Variants in THAP5 observed in about 807,000 individuals in gnomAD.
THAP5 encodes the protein THAP domain-containing protein 5.
A neutral mutation model predicts 34.0 loss-of-function variants in THAP5; 26 were observed. The observed-to-expected ratio is 0.77, with a 90% CI of 0.56 to 1.06. The LOEUF is 1.06. Among genes scored for constraint, THAP5 ranks in the 50% least tolerant of loss-of-function variants. The pLI is 0.00. For synonymous variants in THAP5, 125 were observed against 153.0 expected (o/e 0.82, Z 1.35); for missense variants, 394 against 452.8 (o/e 0.87, Z 1.18).
At chr7:108,544,768 C>T in the THAP5 span, among the ~76,000 whole-genome samples, 1 of 152,034 alleles carries the variant, frequency 6.6e-6, no homozygotes, top group South Asian at 2.1e-4. Flanking sequence ...AGCAATTCTC[C>T]TGCCTCAGCC....
the THAP5 span, among the ~76,000 whole-genome samples, chr7:108,546,850 T>G: frequency 6.6e-6 from 1 of 152,214 alleles, no homozygotes; most frequent in Non-Finnish European, 1.5e-5. Context: ...CACTAAATTA[T>G]ATTACCAATG....
chr7:108,566,021 A>C lies in THAP5; in HGVS notation c.82T>G (p.Phe28Val), dbSNP rs1220153353. The C allele has an allele frequency of 1.3e-6, 2 of 1,501,666 alleles. No homozygotes were observed. The highest frequency in any genetic ancestry group is 1.8e-6 in the Non-Finnish European group (2 of 1,130,634). 93.0% of individuals were successfully genotyped at this position (1,501,666 alleles called of 1,614,324 possible). ...AGTCTTTCTTTGTCATGTAGAGGAAATCTGGAATTTAAAAAAAAAAGAAGA... is the reference window on the plus strand; with the variant it reads ...AGTCTTTCTTTGTCATGTAGAGGAACTCTGGAATTTAAAAAAAAAAGAAGA... The part of the protein sequence containing the change: ...NKDRKLSFYP[F>V]PLHDKERLEK... The change falls in exon 2 of 3, where the codon TTT becomes GTT. Residue 28 changes from phenylalanine (F) to valine (V), a missense_variant and splice_region_variant. Transcript: ENST00000415914.
the THAP5 span, among the ~76,000 whole-genome samples, chr7:108,546,166 C>T: frequency 2.0e-5 from 3 of 152,128 alleles, no homozygotes; most frequent in African/African-American, 7.2e-5. Flanking sequence ...TTCACTTTAT[C>T]AACCATCTGT....
At chr7:108,567,558 T>C (rs17155919) in intron 1 of THAP5, among the ~76,000 whole-genome samples, 3,814 of 152,286 alleles carry the variant, frequency 0.025, 170 homozygotes, top group African/African-American at 0.086. Flanking sequence ...ATCTTGATCA[T>C]GTTTCCTGAA....
chr7:108,566,164 A>C (rs1790484147), intron 1 of THAP5, 142 bp from the exon 2 acceptor site: 1 of 635,306 alleles, frequency 1.6e-6, no homozygotes, highest in Non-Finnish European at 2.6e-6. Context: ...CTACCAAATA[A>C]GAGCATCTTC....
In THAP5 at chr7:108,564,869, T is replaced by G. The variant is rs774182970; in HGVS notation, c.510A>C (p.Lys170Asn). 2.5e-6 allele frequency: 4 copies of G among 1,607,886 alleles called. No homozygotes were observed. Among genetic ancestry groups the G allele is most frequent in the Non-Finnish European group, 3.4e-6 (4 of 1,176,144 alleles). ...QNNMLTLNLV[K>N]QHTGKPESTL... Reference sequence around the variant, plus strand: ...TAGATTCTGGTTTCCCAGTATGTTGTTTAACTAGATTAAGAGTTAACATGT... The same window carrying G: ...TAGATTCTGGTTTCCCAGTATGTTGGTTAACTAGATTAAGAGTTAACATGT... Residue 170 changes from lysine (K) to asparagine (N), a missense_variant, in exon 3 of 3, where the codon AAA (lysine) becomes AAC (asparagine). Lys to Asn is a moderately conservative substitution (Grantham distance 94, BLOSUM62 0). Transcript: ENST00000415914.
chr7:108,558,377 G>GTGTGTGTGTATATATATATATATATA (rs1401164750), downstream of THAP5, among the ~76,000 whole-genome samples: 26 of 62,964 alleles, frequency 4.1e-4, no homozygotes, highest in African/African-American at 8.9e-4. Flanking sequence ...ATGTGTGTGT[G>GTGTGTGTGTATATATATATATATATA]TATGTATATA....
At chr7:108,544,419 T>C in the THAP5 span, among the ~76,000 whole-genome samples, 5 of 151,420 alleles carry the variant, frequency 3.3e-5, no homozygotes, top group Admixed American at 1.3e-4. Flanking sequence ...TAATCCCAGC[T>C]ACTCAGGAGG....
the THAP5 span, among the ~76,000 whole-genome samples, chr7:108,545,570 T>C: frequency 1.3e-5 from 2 of 152,222 alleles, no homozygotes; most frequent in African/African-American, 4.8e-5. Flanking sequence ...AGATAAGTCA[T>C]TCAAGATGAA....
At chr7:108,561,994 AT>A (rs1334217443), downstream of THAP5, among the ~76,000 whole-genome samples, 1 of 152,226 alleles carries the variant, frequency 6.6e-6, no homozygotes, top group African/African-American at 2.4e-5. Context: ...ATTTTGAAAT[AT>A]CTGCAGTACA....
chr7:108,555,729 A>C (rs950231949), intron 1 of THAP5, among the ~76,000 whole-genome samples: 8 of 146,362 alleles, frequency 5.5e-5, no homozygotes, highest in Non-Finnish European at 9.0e-5. Context: ...TTGAGACAGA[A>C]TCTCACTCTG....
chr7:108,561,028 C>T (rs1864425384), downstream of THAP5, among the ~76,000 whole-genome samples: 1 of 152,180 alleles, frequency 6.6e-6, no homozygotes, highest in Admixed American at 6.5e-5. Context: ...GCCACTGTGC[C>T]TGCCTGTACC....
At chr7:108,554,166 GAAAACAA>G (rs1032327288), downstream of THAP5, among the ~76,000 whole-genome samples, 15 of 151,862 alleles carry the variant, frequency 9.9e-5, no homozygotes, top group African/African-American at 2.4e-4. Context: ...CTAGAACTGT[GAAAACAA>G]AAAACAAAAA....
chr7:108,544,352 G>A, the THAP5 span, among the ~76,000 whole-genome samples: 1 of 151,876 alleles, frequency 6.6e-6, no homozygotes, highest in Non-Finnish European at 1.5e-5. Context: ...CCAACATGGT[G>A]AAACCCCATC....
chr7:108,542,450 C>CT, the THAP5 span, among the ~76,000 whole-genome samples: 2 of 151,986 alleles, frequency 1.3e-5, no homozygotes, highest in South Asian at 2.1e-4. Context: ...TCTTCTGTTT[C>CT]TTTTTTTTGT....
At chr7:108,568,603 A>G (rs1166821304) in intron 1 of THAP5, 2 of 154,702 alleles carry the variant, frequency 1.3e-5, no homozygotes, top group African/African-American at 4.8e-5. Flanking sequence ...GCACAAAACA[A>G]CTGCTGAAAA....
In THAP5 at chr7:108,569,600, C is replaced by G. The variant is rs556900228; in HGVS notation, c.-31G>C. The G allele has an allele frequency of 2.5e-5, 39 of 1,549,648 alleles. No individual in the cohort carries two copies. The highest frequency in any genetic ancestry group is 4.8e-5 in the South Asian group (4 of 84,026). ...GGGTGAGGCCCCTGGAGACCGGGGC[C>G]GGCGACGGATGCAGGGCGGCCCTCC... On this transcript the variant is annotated 5_prime_UTR_variant, in exon 1 of 3. Coordinates refer to ENST00000415914, the MANE Select transcript of THAP5 (RefSeq NM_001130475.3).
rs1464172064 is a variant in THAP5 at position 108,564,407 on chromosome 7, G to A, written c.972C>T (p.Tyr324=). ...GTTCCTTATTTATATCTTGTCTGCA[G>A]TAAGAATGTTCGATTTGTAAAACTT... ...GTEVLQIEHS[Y]CRQDINKEHL... Residue 324 remains tyrosine, a synonymous_variant, in exon 3 of 3, where the codon TAC becomes TAT. Transcript: ENST00000415914. 6.2e-7 allele frequency: 1 copy of A among 1,613,874 alleles called. No individual in the cohort carries two copies. Among genetic ancestry groups the A allele is most frequent in the Admixed American group, 1.7e-5 (1 of 60,022 alleles).
downstream of THAP5, among the ~76,000 whole-genome samples, chr7:108,551,663 C>T (rs780802389): frequency 2.0e-5 from 3 of 152,166 alleles, no homozygotes; most frequent in Non-Finnish European, 4.4e-5. Context: ...AAACTCTGTA[C>T]CTATGGATGA....
Sources: allele counts gnomAD v4.1 joint callset (sites outside exome capture counted in the v4.1 genomes callset), GRCh38; gene constraint gnomAD v4.1.1; transcripts MANE v1.5; gene names NCBI Gene and HGNC (gene_info 2026-07-23, HGNC 2026-07-21).